IMPG2: variants seen among roughly 807,000 people sequenced by gnomAD.
IMPG2 encodes the protein IPM 200.
In IMPG2, 91 loss-of-function variants were observed where a neutral mutation model predicts 129.2. The ratio of observed to expected loss-of-function variants is 0.70; its 90% CI spans 0.59 to 0.84. IMPG2 has a LOEUF of 0.84. IMPG2 is among the 40% of genes least tolerant of loss of function. The probability of loss-of-function intolerance (pLI) is 0.00; values close to 1 mark genes in which losing one functional copy is unlikely to be tolerated. For synonymous variants in IMPG2, 510 were observed against 517.7 expected, an observed-to-expected ratio of 0.99 and a Z score of 0.20; for missense variants, 1,430 against 1,461.7, an observed-to-expected ratio of 0.98 and a Z score of 0.35.
At position 101,226,822 on chromosome 3, in the gene IMPG2, A is replaced by G. The variant is rs1469855590; in HGVS notation, c.*147T>C. Reference sequence around the variant, plus strand: ...CTACATTCTGAAAACTTAAGCTGAAAAAAAAACAGTGTGCCCTATATTTAA... The same window carrying G: ...CTACATTCTGAAAACTTAAGCTGAAGAAAAAACAGTGTGCCCTATATTTAA... On this transcript the variant is annotated 3_prime_UTR_variant, in exon 19 of 19. Transcript: ENST00000193391. 7.7e-6 allele frequency: 6 copies of G among 775,666 alleles called. No homozygotes were observed. Among genetic ancestry groups the G allele is most frequent in the Non-Finnish European group, 1.1e-5 (5 of 468,558 alleles). The allele number at this position is 775,666 out of a possible 1,614,324, so 48.0% of individuals were successfully genotyped here.
intron 2 of IMPG2, among the ~76,000 whole-genome samples, chr3:101,318,579 A>G (rs1328018188): frequency 6.6e-6 from 1 of 152,226 alleles, no homozygotes; most frequent in East Asian, 1.9e-4. Flanking sequence ...GGAAAAGAAG[A>G]TAAAGTAGCA....
At chr3:101,308,623 G>A (rs1268164578) in intron 2 of IMPG2, among the ~76,000 whole-genome samples, 3 of 152,206 alleles carry the variant, frequency 2.0e-5, no homozygotes, top group Non-Finnish European at 2.9e-5. Context: ...AGGCCTCTGG[G>A]CCTGTTATGA....
chr3:101,304,208 T>C lies in IMPG2; in HGVS notation c.439A>G (p.Ser147Gly). Residue 147 changes from serine to glycine, a missense_variant, in exon 3 of 19, where the codon AGT (serine) becomes GGT (glycine). Ser to Gly is a moderately conservative substitution (Grantham distance 56). Coordinates refer to ENST00000193391, the MANE Select transcript of IMPG2 (RefSeq NM_016247.4). ...WMNLCEDGVT[S>G]IFEMGTNFSE... ...AAATTTGTGCCCATTTCAAATATACTTGTGACTCCATCCTCACACAAATTC... is the reference window on the plus strand; with the variant it reads ...AAATTTGTGCCCATTTCAAATATACCTGTGACTCCATCCTCACACAAATTC... 6.2e-7 allele frequency: 1 copy of C among 1,613,898 alleles called. No individual in the cohort carries two copies. The highest frequency in any genetic ancestry group is 8.5e-7 in the Non-Finnish European group (1 of 1,179,770).
chr3:101,251,685 A>C (rs1412742935), intron 11 of IMPG2, among the ~76,000 whole-genome samples: 1 of 152,206 alleles, frequency 6.6e-6, no homozygotes, highest in Non-Finnish European at 1.5e-5. Flanking sequence ...TCAATTTCCC[A>C]ACATTCCTAG....
chr3:101,269,926 CTTTTTT>C (rs5851267), intron 7 of IMPG2, among the ~76,000 whole-genome samples: 4 of 106,978 alleles, frequency 3.7e-5, no homozygotes, highest in East Asian at 5.9e-4. Context: ...TTATTTTATT[CTTTTTT>C]TTTTTTTTTT....
At chr3:101,292,575 G>A (rs1576765890) in intron 3 of IMPG2, among the ~76,000 whole-genome samples, 4 of 152,246 alleles carry the variant, frequency 2.6e-5, no homozygotes, top group Admixed American at 2.6e-4. Flanking sequence ...CAAGTTGATG[G>A]CTGCTGACTA....
chr3:101,229,850 T>C (rs1421011921), intron 16 of IMPG2, among the ~76,000 whole-genome samples: 1 of 152,246 alleles, frequency 6.6e-6, no homozygotes, highest in East Asian at 1.9e-4. Flanking sequence ...GCGCCTGGCA[T>C]TCATAAATGT....
rs368933875 is a variant in IMPG2 at position 101,252,829 on chromosome 3, A to G, written c.1239+867T>C. ...CTTTCTGAATTTCCATCGCTCCATTAAAGTCGAGAAACAAGTAATTCAAAT... is the reference window on the plus strand; with the variant it reads ...CTTTCTGAATTTCCATCGCTCCATTGAAGTCGAGAAACAAGTAATTCAAAT... On this transcript the variant is annotated intron_variant, in intron 11 of 18. Coordinates refer to ENST00000193391, the MANE Select transcript of IMPG2 (RefSeq NM_016247.4). Among the ~76,000 whole-genome samples, 3 of 152,166 alleles carry G rather than the reference A, an allele frequency of 2.0e-5. No individual in the cohort carries two copies. The East Asian group carries it at 5.8e-4, about 29-fold the overall frequency.
chr3:101,310,567 A>C (rs1315736619), intron 2 of IMPG2, among the ~76,000 whole-genome samples: 26 of 14,522 alleles, frequency 1.8e-3, no homozygotes, highest in East Asian at 0.015. Context: ...CTCAAAAAAA[A>C]AAAAAAAAAA....
chr3:101,228,393 T>C lies in IMPG2; in HGVS notation c.3713+404A>G, dbSNP rs555549566. ...AAGGAACTATCTATGAAAAATATTT[T>C]ATGGCATCAGATCAATCAGATCACT... On this transcript the variant is annotated intron_variant, in intron 18 of 18. Transcript: ENST00000193391. Among the ~76,000 whole-genome samples the C allele has an allele frequency of 3.3e-5, 5 of 152,320 alleles. No homozygotes were observed. In the South Asian group the frequency reaches 1.0e-3, roughly 32 times the overall value.
Position 101,232,933 on chromosome 3 carries a change from G to C in IMPG2, c.3081C>G (p.Val1027=). The C allele has an allele frequency of 1.2e-6, 2 of 1,613,946 alleles. No individual in the cohort carries two copies. Among genetic ancestry groups the C allele is most frequent in the Non-Finnish European group, 1.7e-6 (2 of 1,179,998 alleles). ...ACTTTGCTTCTCCACTCCAGGGGTT[G>C]ACCAGACACTCTGAAAATTCATTAC... The part of the protein sequence containing the change: ...QACNEFSECL[V]NPWSGEAKCR... The change falls in exon 15 of 19, where the codon GTC becomes GTG. Residue 1027 remains valine, a synonymous_variant. Coordinates refer to ENST00000193391, the MANE Select transcript of IMPG2 (RefSeq NM_016247.4).
intron 11 of IMPG2, among the ~76,000 whole-genome samples, chr3:101,251,173 A>C (rs1706540178): frequency 6.6e-6 from 1 of 152,228 alleles, no homozygotes; most frequent in African/African-American, 2.4e-5. Context: ...GGCACACATT[A>C]GGAAAGCAGC....
At chr3:101,227,809 C>T (rs1199532902) in intron 18 of IMPG2, 4 of 456,126 alleles carry the variant, frequency 8.8e-6, no homozygotes, top group Admixed American at 7.0e-5. Flanking sequence ...TCAGTTTCCT[C>T]AGTTATCAGT....
chr3:101,242,292 T>C (rs1263369598), intron 14 of IMPG2, among the ~76,000 whole-genome samples: 1 of 152,142 alleles, frequency 6.6e-6, no homozygotes, highest in Non-Finnish European at 1.5e-5. Context: ...ATATAAAAAA[T>C]GTGGAGAGTT....
At chr3:101,228,562 C>T (rs1014694023) in intron 18 of IMPG2, among the ~76,000 whole-genome samples, 2 of 152,224 alleles carry the variant, frequency 1.3e-5, no homozygotes, top group Non-Finnish European at 2.9e-5. Context: ...CCCTTCATGT[C>T]TCCAAGATTT....
rs190723822 is a variant in IMPG2, at chr3:101,301,206, G to A, written c.501+2940C>T. ...AACAATTACAATAGTTATTGTAATT[G>A]TAATAATCAAAGATCACTGATCACA... is the stretch of plus-strand genomic sequence containing the variant. On this transcript the variant is annotated intron_variant, in intron 3 of 18. Coordinates refer to ENST00000193391, the MANE Select transcript of IMPG2 (RefSeq NM_016247.4). 1.0e-3 allele frequency among the ~76,000 whole-genome samples: 157 copies of A among 152,302 alleles called. 1 individual carries two copies. The highest frequency in any genetic ancestry group is 3.4e-3 in the African/African-American group (143 of 41,572).
intron 3 of IMPG2, among the ~76,000 whole-genome samples, chr3:101,295,269 A>G (rs1707066914): frequency 6.6e-6 from 1 of 152,212 alleles, no homozygotes; most frequent in African/African-American, 2.4e-5. Flanking sequence ...AGGTGTAAGG[A>G]AGGGGTCCAA....
At chr3:101,287,202 C>G (rs1267771858) in intron 4 of IMPG2, among the ~76,000 whole-genome samples, 1 of 152,082 alleles carries the variant, frequency 6.6e-6, no homozygotes, top group African/African-American at 2.4e-5. Context: ...GGAAACATAG[C>G]CTTTGCAAAA....
chr3:101,233,085 T>G (rs570745642), intron 14 of IMPG2, 94 bp from the exon 15 acceptor site: 1 of 1,078,710 alleles, frequency 9.3e-7, no homozygotes, highest in East Asian at 2.4e-5. Flanking sequence ...CCAAAGTATA[T>G]GGGACAACTC....
Sources: gnomAD v4.1 joint callset for allele counts (sites outside exome capture counted in the v4.1 genomes callset) on GRCh38, gnomAD v4.1.1 for gene constraint, MANE v1.5 for transcripts, NCBI Gene and HGNC (gene_info 2026-07-23, HGNC 2026-07-21) for gene names.